CAAP1: variants seen among roughly 807,000 people sequenced by gnomAD.
CAAP1 encodes caspase activity and apoptosis inhibitor 1.
Under a neutral mutation model 34.0 loss-of-function variants are expected in CAAP1, and 20 were observed. The ratio of observed to expected loss-of-function variants is 0.59; its 90% CI spans 0.41 to 0.86. CAAP1 has a LOEUF of 0.86. Ranked by LOEUF, CAAP1 falls within the 40% of genes least tolerant of loss-of-function variation. CAAP1 has a pLI of 0.00. For synonymous variants in CAAP1, 213 were observed against 166.7 expected (o/e 1.28, Z -2.14); for missense variants, 538 against 450.5 (o/e 1.19, Z -1.76).
At chr9:26,888,578 AAAAGT>A (rs1476918064) in intron 1 of CAAP1, among the ~76,000 whole-genome samples, 1 of 152,242 alleles carries the variant, frequency 6.6e-6, no homozygotes, top group Non-Finnish European at 1.5e-5. Flanking sequence ...ATTAGACTGA[AAAAGT>A]AAAAGAATCA....
chr9:26,884,756 A>C, intron 4 of CAAP1, 54 bp downstream of exon 4: 1 of 1,186,906 alleles, frequency 8.4e-7, no homozygotes, highest in South Asian at 1.3e-5. Flanking sequence ...ATAAGAAATC[A>C]CCAAAGGAAT....
chr9:26,842,219 G>A lies in CAAP1; in HGVS notation c.*82C>T. Reference sequence around the variant, plus strand: ...GGGTTACATGAGAAATAACATATAAGACCCCAAATAAATTTTAGATACAAA... The same window carrying A: ...GGGTTACATGAGAAATAACATATAAAACCCCAAATAAATTTTAGATACAAA... On this transcript the variant is annotated 3_prime_UTR_variant, in exon 6 of 6. Coordinates refer to ENST00000333916, the MANE Select transcript of CAAP1 (RefSeq NM_024828.4). 1.1e-5 allele frequency: 12 copies of A among 1,096,516 alleles called. No homozygotes were observed. The highest frequency in any genetic ancestry group is 1.4e-5 in the Non-Finnish European group (11 of 774,040). The allele number at this position is 1,096,516 out of a possible 1,614,324, so 67.9% of individuals were successfully genotyped here. A position where few individuals can be genotyped will look rare whatever the true frequency, so the allele number is the denominator to read the frequency against.
intron 4 of CAAP1, among the ~76,000 whole-genome samples, chr9:26,867,231 A>G (rs975124667): frequency 2.6e-5 from 4 of 152,296 alleles, no homozygotes; most frequent in Admixed American, 2.0e-4. Flanking sequence ...GCTGCTCTAT[A>G]GAAGACACTG....
rs984493808 is a variant in CAAP1 at position 26,859,825 on chromosome 9, T to C, written c.739+1241A>G. ...GACTTTTGAAAAGCAATGGGAATTT[T>C]TGAAACAATCAGAAATATTCATAAA... On this transcript the variant is annotated intron_variant, in intron 5 of 5. Coordinates refer to ENST00000333916, the MANE Select transcript of CAAP1 (RefSeq NM_024828.4). Among the ~76,000 whole-genome samples, 67 of 152,222 alleles carry C rather than the reference T, an allele frequency of 4.4e-4. 2 individuals carry two copies. Among genetic ancestry groups the C allele is most frequent in the African/African-American group, 1.6e-3 (65 of 41,462 alleles).
chr9:26,887,572 T>C, intron 1 of CAAP1, 59 bp from the exon 2 acceptor site: 1 of 969,934 alleles, frequency 1.0e-6, no homozygotes. Flanking sequence ...AAAGAATACG[T>C]ACATGACATC....
chr9:26,851,847 TCA>T (rs966661576), intron 5 of CAAP1, among the ~76,000 whole-genome samples: 10 of 152,148 alleles, frequency 6.6e-5, no homozygotes, highest in Admixed American at 5.9e-4. Context: ...CAAAAGGGCA[TCA>T]CACTCAAATA....
intron 4 of CAAP1, among the ~76,000 whole-genome samples, chr9:26,883,369 T>G (rs1823648830): frequency 6.6e-6 from 1 of 152,222 alleles, no homozygotes; most frequent in South Asian, 2.1e-4. Context: ...CCGCCATGTA[T>G]GAAGCACCTT....
In CAAP1 at chr9:26,892,474, C is replaced by T. The variant is rs756203660; in HGVS notation, c.242G>A (p.Arg81His). ...GSCWGGSSVE[R>H]SERRKRRSTD... Reference sequence around the variant, plus strand: ...ACTCCTCCGCTTCCGGCGCTCGCTGCGCTCCACGCTGCTCCCGCCCCAACA... The same window carrying T: ...ACTCCTCCGCTTCCGGCGCTCGCTGTGCTCCACGCTGCTCCCGCCCCAACA... Residue 81 changes from arginine to histidine, a missense_variant, in exon 1 of 6, where the codon CGC becomes CAC. Arg to His is a conservative substitution (Grantham distance 29, BLOSUM62 0). This residue lies in a region of CAAP1 where 514 missense variants were observed against 408.4 expected (regional missense o/e 1.26). Coordinates refer to ENST00000333916, the MANE Select transcript of CAAP1 (RefSeq NM_024828.4). 84 of 1,562,008 alleles carry T rather than the reference C, an allele frequency of 5.4e-5. No homozygotes were observed. The highest frequency in any genetic ancestry group is 6.8e-5 in the Non-Finnish European group (79 of 1,154,342).
Position 26,852,727 on chromosome 9 carries a change from G to T in CAAP1, c.739+8339C>A, listed in dbSNP as rs373084605. Among the ~76,000 whole-genome samples, 4 of 152,040 alleles carry T rather than the reference G, an allele frequency of 2.6e-5. No homozygotes were observed. The East Asian group carries it at 7.7e-4, about 29-fold the overall frequency. ...GCTTTTCAAAAGGTGACTTCTATAA[G>T]ACTACAGTACAGTAAATCTGACATC... On this transcript the variant is annotated intron_variant, in intron 5 of 5. Coordinates refer to ENST00000333916, the MANE Select transcript of CAAP1 (RefSeq NM_024828.4).
chr9:26,852,811 T>C (rs989546378), intron 5 of CAAP1, among the ~76,000 whole-genome samples: 11 of 151,752 alleles, frequency 7.2e-5, no homozygotes, highest in Admixed American at 1.3e-4. Flanking sequence ...AAAAAAAAAA[T>C]TAGTATCAAC....
intron 5 of CAAP1, among the ~76,000 whole-genome samples, chr9:26,849,804 T>G (rs2131298453): frequency 6.6e-6 from 1 of 152,274 alleles, no homozygotes. Context: ...CATTTTACCA[T>G]AAACCATGTT....
In CAAP1 at chr9:26,887,388, T is replaced by C; in HGVS notation, c.429A>G (p.Lys143=). The C allele has an allele frequency of 6.2e-7, 1 of 1,612,624 alleles. No individual in the cohort carries two copies. Among genetic ancestry groups the C allele is most frequent in the South Asian group, 1.1e-5 (1 of 90,666 alleles). ...AGAAGCACTGCTGAAGCATTTCTTT[T>C]TTGTCTGATATATAGAAACTAACTG... ...LKPVSFYISD[K]KEMLQQCFCI... Residue 143 remains lysine, a synonymous_variant, in exon 2 of 6, where the codon AAA becomes AAG. Transcript: ENST00000333916.
Position 26,892,628 on chromosome 9 carries a change from G to C in CAAP1, c.88C>G (p.Pro30Ala). Residue 30 changes from proline (P) to alanine (A), a missense_variant, in exon 1 of 6, where the codon CCC becomes GCC. This residue lies in a region of CAAP1 where 514 missense variants were observed against 408.4 expected (regional missense o/e 1.26). Coordinates refer to ENST00000333916, the MANE Select transcript of CAAP1 (RefSeq NM_024828.4). ...CCACTGCTGCCGCTGGCCAACGCGG[G>C]TACGATGTCCGGGGCCGCGAGCGCT... ...AAALAAPDIVPALASGSSGST... is the reference protein window; with the variant it reads ...AAALAAPDIVAALASGSSGST... 1 of 1,609,248 alleles carries C rather than the reference G, an allele frequency of 6.2e-7. No individual in the cohort carries two copies. The highest frequency in any genetic ancestry group is 8.5e-7 in the Non-Finnish European group (1 of 1,179,514).
rs912776792 is a variant in CAAP1, at chr9:26,841,614, G to A, written c.*687C>T. 6.6e-5 allele frequency: 10 copies of A among 152,470 alleles called. No individual in the cohort carries two copies. The highest frequency in any genetic ancestry group is 2.2e-4 in the African/African-American group (9 of 41,424). 9.4% of individuals were successfully genotyped at this position (152,470 alleles called of 1,614,324 possible). A position where few individuals can be genotyped will look rare whatever the true frequency, so the allele number is the denominator to read the frequency against. ...CAGCTTGGAATGTAAATGAAAACTT[G>A]TTCCATTTTTATTAAAGAAAAAACC... On this transcript the variant is annotated 3_prime_UTR_variant, in exon 6 of 6. Transcript: ENST00000333916.
chr9:26,847,336 T>C (rs1268293785), intron 5 of CAAP1, among the ~76,000 whole-genome samples: 1 of 144,312 alleles, frequency 6.9e-6, no homozygotes, highest in Non-Finnish European at 1.5e-5. Context: ...CGCCTCAGCC[T>C]CCCAAGTAGC....
intron 4 of CAAP1, among the ~76,000 whole-genome samples, chr9:26,884,515 C>A (rs376941943): frequency 1.2e-4 from 19 of 152,078 alleles, no homozygotes; most frequent in Non-Finnish European, 2.2e-4. Context: ...TAGTGAGGAT[C>A]GTGAATAGTG....
intron 5 of CAAP1, among the ~76,000 whole-genome samples, chr9:26,845,478 C>G (rs745739629): frequency 6.6e-6 from 1 of 152,174 alleles, no homozygotes; most frequent in Admixed American, 6.5e-5. Context: ...AGGGTTCAAG[C>G]GATTCTCCTG....
intron 4 of CAAP1, among the ~76,000 whole-genome samples, chr9:26,881,629 A>G (rs1823595290): frequency 1.3e-5 from 2 of 152,216 alleles, no homozygotes; most frequent in South Asian, 4.1e-4. Flanking sequence ...CTTTTTCCTT[A>G]TAAATTACCC....
intron 5 of CAAP1, among the ~76,000 whole-genome samples, chr9:26,851,023 A>G (rs2131299584): frequency 6.6e-6 from 1 of 152,340 alleles, no homozygotes; most frequent in East Asian, 1.9e-4. Context: ...TATCCCCTTC[A>G]GAGATTATTC....
Sources: gnomAD v4.1 joint callset for allele counts (sites outside exome capture counted in the v4.1 genomes callset) on GRCh38, gnomAD v4.1.1 for gene constraint, gnomAD v4.1.1 regional missense constraint, MANE v1.5 for transcripts, NCBI Gene and HGNC (gene_info 2026-07-23, HGNC 2026-07-21) for gene names.